RFX4: variants seen among roughly 807,000 people sequenced by gnomAD.
RFX4 encodes the protein regulatory factor X4.
In RFX4, 10 loss-of-function variants were observed where a neutral mutation model predicts 95.0. The observed-to-expected ratio is 0.11, with a 90% CI of 0.06 to 0.18. The LOEUF (loss-of-function observed/expected upper bound fraction) is 0.18. Among genes scored for constraint, RFX4 ranks in the 10% least tolerant of loss-of-function variants. The pLI is 1.00. For missense variants in RFX4, 640 were observed against 922.0 expected (o/e 0.69, Z 3.96); for synonymous variants, 321 against 340.7 (o/e 0.94, Z 0.64).
At chr12:106,669,432 T>C (rs1192802935) in intron 4 of RFX4, among the ~76,000 whole-genome samples, 4 of 152,212 alleles carry the variant, frequency 2.6e-5, no homozygotes, top group South Asian at 2.1e-4. Context: ...TTTGGCTCCT[T>C]TCTCCTCGCT....
intron 8 of RFX4, among the ~76,000 whole-genome samples, chr12:106,697,517 C>T (rs2041904086): frequency 1.3e-5 from 2 of 151,054 alleles, no homozygotes; most frequent in Admixed American, 6.6e-5. Flanking sequence ...CACAAACTGG[C>T]GGGGTGACTT....
intron 4 of RFX4, among the ~76,000 whole-genome samples, chr12:106,657,975 T>C (rs1420492700): frequency 1.3e-5 from 2 of 152,122 alleles, no homozygotes; most frequent in Admixed American, 1.3e-4. Context: ...TGTATACACC[T>C]ACCATGTGAG....
chr12:106,641,352 C>A (rs1457565511), intron 3 of RFX4, among the ~76,000 whole-genome samples: 4 of 152,128 alleles, frequency 2.6e-5, no homozygotes, highest in Non-Finnish European at 5.9e-5. Context: ...ATGGGGATAG[C>A]AATAGTGTCT....
At chr12:106,602,990 C>T (rs570167562) in intron 1 of RFX4, among the ~76,000 whole-genome samples, 3 of 152,296 alleles carry the variant, frequency 2.0e-5, no homozygotes, top group South Asian at 4.1e-4. Flanking sequence ...GGTCTTGAGA[C>T]GCTAGTCCAC....
chr12:106,641,044 G>A (rs1323129161), intron 3 of RFX4, among the ~76,000 whole-genome samples: 1 of 152,140 alleles, frequency 6.6e-6, no homozygotes, highest in Admixed American at 6.5e-5. Context: ...GCCTGTCAAA[G>A]TGGTGGGATT....
At chr12:106,731,008 A>G (rs958530267) in intron 13 of RFX4, among the ~76,000 whole-genome samples, 1 of 152,218 alleles carries the variant, frequency 6.6e-6, no homozygotes, top group African/African-American at 2.4e-5. Context: ...TCAAAAAAAA[A>G]AGTCTCTAAA....
intron 7 of RFX4, 108 bp from the exon 8 acceptor site, chr12:106,696,175 G>A (rs1411117771): frequency 1.6e-6 from 2 of 1,283,902 alleles, no homozygotes; most frequent in African/African-American, 1.5e-5. Context: ...TGCCGCAGGG[G>A]AAGTAGATGA....
At chr12:106,634,585 G>A (rs982336087) in intron 2 of RFX4, among the ~76,000 whole-genome samples, 8 of 152,086 alleles carry the variant, frequency 5.3e-5, no homozygotes, top group East Asian at 1.9e-4. Flanking sequence ...ATCACATCAC[G>A]TTCCATACTC....
intron 6 of RFX4, among the ~76,000 whole-genome samples, chr12:106,688,049 T>TG (rs2041697948): frequency 6.6e-6 from 1 of 151,276 alleles, no homozygotes; most frequent in African/African-American, 2.4e-5. Context: ...AAGTTTCCCT[T>TG]GGGGTATCAC....
Position 106,608,877 on chromosome 12 carries a change from G to T in RFX4, c.124G>T (p.Asp42Tyr), listed in dbSNP as rs760217833. Residue 42 changes from aspartate (D) to tyrosine (Y), a missense_variant, in exon 2 of 18, where the codon GAT becomes TAT. This residue lies in a region of RFX4 where 63 missense variants were observed against 68.8 expected (regional missense o/e 0.92). Transcript: ENST00000392842. ...SHTSLGNVSN[D>Y]ENEEKENNRA... Reference sequence around the variant, plus strand: ...CACATCTCTGGGGAATGTTTCTAATGATGAAAGTAAGTGCTTGAAACTCAT... The same window carrying T: ...CACATCTCTGGGGAATGTTTCTAATTATGAAAGTAAGTGCTTGAAACTCAT... 7 of 1,609,776 alleles carry T rather than the reference G, an allele frequency of 4.3e-6. No homozygotes were observed. Among genetic ancestry groups the T allele is most frequent in the Non-Finnish European group, 5.9e-6 (7 of 1,178,894 alleles).
chr12:106,584,416 A>G (rs2039421403), intron 1 of RFX4, among the ~76,000 whole-genome samples: 1 of 152,174 alleles, frequency 6.6e-6, no homozygotes, highest in African/African-American at 2.4e-5. Flanking sequence ...GAGAGGCAGA[A>G]ATAGGGCAGT....
At chr12:106,686,658 T>A (rs1345225755) in intron 5 of RFX4, among the ~76,000 whole-genome samples, 1 of 152,142 alleles carries the variant, frequency 6.6e-6, no homozygotes, top group African/African-American at 2.4e-5. Flanking sequence ...CAATTTTGGT[T>A]ATTTTTACCT....
intron 4 of RFX4, among the ~76,000 whole-genome samples, chr12:106,672,337 T>C (rs550263031): frequency 6.6e-6 from 1 of 152,096 alleles, no homozygotes; most frequent in Non-Finnish European, 1.5e-5. Context: ...TTCCCACCCC[T>C]ATCCCTGCGG....
intron 17 of RFX4, among the ~76,000 whole-genome samples, chr12:106,758,407 T>C (rs1310894496): frequency 1.3e-5 from 2 of 152,210 alleles, no homozygotes; most frequent in Non-Finnish European, 2.9e-5. Context: ...ATTGTCACAT[T>C]AGAGATATTT....
chr12:106,729,527 C>T (rs921802298), intron 13 of RFX4, among the ~76,000 whole-genome samples: 4 of 152,180 alleles, frequency 2.6e-5, no homozygotes, highest in Non-Finnish European at 5.9e-5. Context: ...GTCAGACAGT[C>T]CAGGGTTCAA....
chr12:106,721,195 A>T (rs946026874), intron 13 of RFX4, among the ~76,000 whole-genome samples: 20 of 152,184 alleles, frequency 1.3e-4, no homozygotes, highest in Non-Finnish European at 2.4e-4. Context: ...ACAATTTCAT[A>T]GAATCCCGTA....
chr12:106,669,300 G>C (rs880318), intron 4 of RFX4, among the ~76,000 whole-genome samples: 1 of 152,196 alleles, frequency 6.6e-6, no homozygotes, highest in Non-Finnish European at 1.5e-5. Context: ...AGAGAGACTG[G>C]AGAAAGGGAA....
intron 6 of RFX4, among the ~76,000 whole-genome samples, chr12:106,687,749 G>T (rs2041690266): frequency 6.6e-6 from 1 of 152,020 alleles, no homozygotes; most frequent in African/African-American, 2.4e-5. Flanking sequence ...AATAAAATTT[G>T]CTCTGTCAAT....
chr12:106,692,570 G>T (rs923250486), intron 7 of RFX4, among the ~76,000 whole-genome samples: 1 of 152,180 alleles, frequency 6.6e-6, no homozygotes, highest in Admixed American at 6.5e-5. Context: ...TAGAAAATTT[G>T]CTTGGTATTC....
Sources: allele counts gnomAD v4.1 joint callset (sites outside exome capture counted in the v4.1 genomes callset), GRCh38; gene constraint gnomAD v4.1.1; regional missense constraint gnomAD v4.1.1; transcripts MANE v1.5; gene names NCBI Gene and HGNC (gene_info 2026-07-23, HGNC 2026-07-21).